Variants in MTUS2 observed in about 807,000 individuals in gnomAD.
MTUS2 encodes microtubule-associated tumor suppressor candidate 2.
Under a neutral mutation model 114.1 loss-of-function variants are expected in MTUS2, and 40 were observed. The observed-to-expected ratio is 0.35, with a 90% CI of 0.27 to 0.46. The LOEUF (loss-of-function observed/expected upper bound fraction) is 0.46, where lower values mean the gene tolerates loss of function less well. MTUS2 is among the 20% of genes least tolerant of loss of function. MTUS2 has a pLI of 1.00. For missense variants in MTUS2, 1,679 were observed against 1,705.4 expected (o/e 0.98, Z 0.27); for synonymous variants, 688 against 672.0 (o/e 1.02, Z -0.37).
chr13:29,091,463 G>A (rs191118114), intron 4 of MTUS2, among the ~76,000 whole-genome samples: 9 of 151,612 alleles, frequency 5.9e-5, no homozygotes, highest in African/African-American at 2.2e-4. Context: ...AAGGAATGCC[G>A]ATCTCAGTAC....
At chr13:28,901,891 C>A (rs1879667358) in intron 2 of MTUS2, among the ~76,000 whole-genome samples, 2 of 152,036 alleles carry the variant, frequency 1.3e-5, no homozygotes. Context: ...CAAACAAAAA[C>A]CTTGATGGGA....
intron 6 of MTUS2, among the ~76,000 whole-genome samples, chr13:29,322,820 G>T (rs1368732749): frequency 6.6e-6 from 1 of 152,200 alleles, no homozygotes; most frequent in Non-Finnish European, 1.5e-5. Flanking sequence ...GGCTGGCATT[G>T]TGGCTGGCAG....
chr13:29,054,324 T>A, intron 4 of MTUS2, among the ~76,000 whole-genome samples: 1 of 152,324 alleles, frequency 6.6e-6, no homozygotes, highest in Admixed American at 6.5e-5. Flanking sequence ...CAAGTTTTTG[T>A]TTAGATATAT....
At chr13:29,426,620 C>A (rs1451303905) in intron 8 of MTUS2, among the ~76,000 whole-genome samples, 1 of 152,162 alleles carries the variant, frequency 6.6e-6, no homozygotes, top group Non-Finnish European at 1.5e-5. Context: ...TAAGTGGAAT[C>A]GTACAGTATT....
chr13:29,350,960 CATATATATAT>C (rs56192034), intron 7 of MTUS2, among the ~76,000 whole-genome samples: 58 of 128,634 alleles, frequency 4.5e-4, no homozygotes, highest in African/African-American at 1.4e-3. Flanking sequence ...ATATATATTT[CATATATATAT>C]ATATATATAT....
chr13:29,078,350 C>A (rs556245847), intron 4 of MTUS2, among the ~76,000 whole-genome samples: 1 of 152,166 alleles, frequency 6.6e-6, no homozygotes, highest in African/African-American at 2.4e-5. Flanking sequence ...CATACAATAA[C>A]AGACCAAGTT....
chr13:29,457,123 C>T (rs1218319203), intron 9 of MTUS2, among the ~76,000 whole-genome samples: 1 of 146,874 alleles, frequency 6.8e-6, no homozygotes, highest in Non-Finnish European at 1.5e-5. Context: ...CCAGCCTGGG[C>T]GACAGCGAGA....
rs538304394 is a variant in MTUS2, at chr13:29,077,170, C to T, written c.2447-23603C>T. Among the ~76,000 whole-genome samples, 52 of 152,204 alleles carry T rather than the reference C, an allele frequency of 3.4e-4. 1 individual carries two copies. In the South Asian group the frequency reaches 0.01, roughly 30 times the overall value. ...TTGTTTAATTGTGTCTTTCTTTTCT[C>T]CTTTGGGAGAGCTGTAGCCCTAATA... is the stretch of plus-strand genomic sequence containing the variant. On this transcript the variant is annotated intron_variant, in intron 4 of 15. Transcript: ENST00000612955.
intron 5 of MTUS2, among the ~76,000 whole-genome samples, chr13:29,234,006 G>A (rs1487596717): frequency 1.3e-5 from 2 of 152,088 alleles, no homozygotes; most frequent in Non-Finnish European, 1.5e-5. Context: ...AGAAAAAATG[G>A]GAAAATCAGC....
At chr13:29,253,316 C>T (rs1053972016) in intron 5 of MTUS2, among the ~76,000 whole-genome samples, 8 of 151,934 alleles carry the variant, frequency 5.3e-5, no homozygotes, top group Admixed American at 5.2e-4. Context: ...ATCCCAGCTA[C>T]TCGGGAGGCT....
chr13:29,383,566 T>C (rs1215282212), intron 8 of MTUS2, among the ~76,000 whole-genome samples: 2 of 152,166 alleles, frequency 1.3e-5, no homozygotes, highest in African/African-American at 2.4e-5. Flanking sequence ...GTAAAAAGTG[T>C]GTCTGTGTAG....
At chr13:29,240,846 T>C (rs549425416) in intron 5 of MTUS2, among the ~76,000 whole-genome samples, 1 of 152,304 alleles carries the variant, frequency 6.6e-6, no homozygotes, top group African/African-American at 2.4e-5. Context: ...CCCTTTATTT[T>C]TGACTTGCTT....
chr13:29,499,265 A>G (rs1368898152), intron 14 of MTUS2, among the ~76,000 whole-genome samples: 1 of 152,134 alleles, frequency 6.6e-6, no homozygotes, highest in African/African-American at 2.4e-5. Context: ...CCTAGGGGGC[A>G]CAGAACACCC....
intron 2 of MTUS2, among the ~76,000 whole-genome samples, chr13:28,949,960 G>A (rs1473912980): frequency 6.6e-6 from 1 of 152,186 alleles, no homozygotes; most frequent in Non-Finnish European, 1.5e-5. Context: ...TTTTGAATAT[G>A]TATCCAACCC....
At chr13:29,492,034 T>G (rs1408863812) in intron 11 of MTUS2, among the ~76,000 whole-genome samples, 1 of 84,514 alleles carries the variant, frequency 1.2e-5, no homozygotes. Context: ...GTGTGTGTAG[T>G]GTGTGTGTAT....
At chr13:29,288,223 G>A (rs963625200) in intron 6 of MTUS2, among the ~76,000 whole-genome samples, 2 of 152,208 alleles carry the variant, frequency 1.3e-5, no homozygotes, top group African/African-American at 2.4e-5. Flanking sequence ...TTATCCTTGT[G>A]GCTCTGGGAA....
chr13:28,892,121 C>T (rs370319433), intron 2 of MTUS2, among the ~76,000 whole-genome samples: 1 of 152,248 alleles, frequency 6.6e-6, no homozygotes, highest in East Asian at 1.9e-4. Context: ...TATTCATTTA[C>T]TTCTCAGCCT....
chr13:29,138,935 G>A (rs891904648), intron 5 of MTUS2, among the ~76,000 whole-genome samples: 29 of 152,094 alleles, frequency 1.9e-4, no homozygotes, highest in African/African-American at 7.0e-4. Context: ...TTAAGACAAA[G>A]CACATCTCCC....
intron 7 of MTUS2, among the ~76,000 whole-genome samples, chr13:29,356,239 T>C (rs781377277): frequency 2.6e-5 from 4 of 151,786 alleles, no homozygotes; most frequent in Admixed American, 6.6e-5. Flanking sequence ...GGGAAAGAGG[T>C]CAGGAGTGGG....
Sources: gnomAD v4.1 joint callset for allele counts (sites outside exome capture counted in the v4.1 genomes callset) on GRCh38, gnomAD v4.1.1 for gene constraint, MANE v1.5 for transcripts, NCBI Gene and HGNC (gene_info 2026-07-23, HGNC 2026-07-21) for gene names.